Variants in PTBP3 observed in about 807,000 individuals in gnomAD.
The protein encoded by PTBP3 is polypyrimidine tract binding protein 3, also known as polypyrimidine tract-binding protein 3.
PTBP3 carries 20 observed loss-of-function variants against 58.7 expected under a neutral mutation model. The observed-to-expected ratio is 0.34, with a 90% CI of 0.24 to 0.50. The LOEUF (loss-of-function observed/expected upper bound fraction) is 0.50, where lower values mean the gene tolerates loss of function less well. Among genes scored for constraint, PTBP3 ranks in the 20% least tolerant of loss-of-function variants. The pLI is 0.98. For missense variants in PTBP3, 509 were observed against 637.2 expected (o/e 0.80, Z 2.17); for synonymous variants, 185 against 219.8 (o/e 0.84, Z 1.40).
chr9:112,283,377 C>T (rs1827964563), intron 2 of PTBP3, among the ~76,000 whole-genome samples: 1 of 152,134 alleles, frequency 6.6e-6, no homozygotes, highest in Non-Finnish European at 1.5e-5. Context: ...GAAGTCCAGG[C>T]TGAGGTAGTC....
At chr9:112,371,161 T>C in the PTBP3 span, among the ~76,000 whole-genome samples, 1 of 152,224 alleles carries the variant, frequency 6.6e-6, no homozygotes, top group Non-Finnish European at 1.5e-5. Context: ...ATGTTGAATA[T>C]AAGTGCCCAA....
the PTBP3 span, among the ~76,000 whole-genome samples, chr9:112,362,278 A>C: frequency 6.6e-6 from 1 of 152,232 alleles, no homozygotes; most frequent in African/African-American, 2.4e-5. Flanking sequence ...GCACCTGAGC[A>C]ACAAAGTAAG....
At chr9:112,243,537 GTC>G (rs758849807) in intron 7 of PTBP3, among the ~76,000 whole-genome samples, 11 of 151,166 alleles carry the variant, frequency 7.3e-5, no homozygotes, top group Non-Finnish European at 1.5e-4. Flanking sequence ...TCGAGACTCT[GTC>G]TCAAAAAATA....
chr9:112,348,829 T>A, the PTBP3 span, among the ~76,000 whole-genome samples: 1 of 151,954 alleles, frequency 6.6e-6, no homozygotes, highest in Non-Finnish European at 1.5e-5. Context: ...CCACCCCCCC[T>A]CCCAGATGTG....
intron 1 of PTBP3, among the ~76,000 whole-genome samples, chr9:112,307,859 C>A (rs987224047): frequency 6.6e-6 from 1 of 152,250 alleles, no homozygotes; most frequent in Non-Finnish European, 1.5e-5. Context: ...GTCCAACATG[C>A]AGCCCATGGG....
chr9:112,308,373 A>C (rs797017463), intron 1 of PTBP3, among the ~76,000 whole-genome samples: 51 of 152,060 alleles, frequency 3.4e-4, no homozygotes, highest in East Asian at 1.3e-3. Flanking sequence ...AAAAAAAAAA[A>C]AAAAAAAACT....
the PTBP3 span, among the ~76,000 whole-genome samples, chr9:112,377,765 C>T: frequency 5.3e-5 from 8 of 152,136 alleles, no homozygotes; most frequent in Admixed American, 3.3e-4. Context: ...ATCTATTTTT[C>T]AAACCATTTG....
the PTBP3 span, among the ~76,000 whole-genome samples, chr9:112,361,819 T>C: frequency 6.6e-6 from 1 of 152,250 alleles, no homozygotes; most frequent in Non-Finnish European, 1.5e-5. Context: ...ACTGCCAAAC[T>C]GTTTTTCAAA....
chr9:112,251,728 A>T (rs1276810551), intron 6 of PTBP3, among the ~76,000 whole-genome samples: 2 of 152,176 alleles, frequency 1.3e-5, no homozygotes, highest in African/African-American at 4.8e-5. Flanking sequence ...ATTTGTGGCC[A>T]CTTAACGACT....
chr9:112,231,947 G>GAGAAA, intron 9 of PTBP3, 152 bp downstream of exon 9: 1 of 422,200 alleles, frequency 2.4e-6, no homozygotes, highest in East Asian at 3.7e-5. Flanking sequence ...GAGAAGAGAA[G>GAGAAA]AGAAGAGAAG....
chr9:112,250,801 A>C, intron 7 of PTBP3, 128 bp downstream of exon 7: 4 of 917,592 alleles, frequency 4.4e-6, no homozygotes, highest in Non-Finnish European at 6.1e-6. Flanking sequence ...TTGTTCTAGG[A>C]TTCTTGCTTT....
rs773468203 is a variant in PTBP3, at chr9:112,228,444, C to T, written c.1083G>A (p.Lys361=). Residue 361 remains lysine (K), a synonymous_variant, in exon 11 of 14, where the codon AAG becomes AAA. Transcript: ENST00000374257. The part of the protein sequence containing the change: ...FGVYGDVHRV[K]IMFNKKENAL... ...CATTTTCTTTCTTATTAAACATAAT[C>T]TTCACTCGATGTACATCACCATAGA... The T allele has an allele frequency of 6.2e-7, 1 of 1,607,626 alleles. No homozygotes were observed. The highest frequency in any genetic ancestry group is 2.2e-5 in the East Asian group (1 of 44,594).
chr9:112,290,492 T>G (rs370220273), intron 2 of PTBP3, among the ~76,000 whole-genome samples: 4 of 151,498 alleles, frequency 2.6e-5, no homozygotes, highest in African/African-American at 9.7e-5. Flanking sequence ...GCCAACATGG[T>G]AAAACCCTGT....
chr9:112,261,909 A>C lies in PTBP3; in HGVS notation c.516+526T>G, dbSNP rs557221118. On this transcript the variant is annotated intron_variant, in intron 5 of 13. Coordinates refer to ENST00000374257, the MANE Select transcript of PTBP3 (RefSeq NM_001163788.4). ...GAAACTAAGTAACCTTCAATTCTTA[A>C]ATTCTACATATTACTTGCCATGATT... is the stretch of plus-strand genomic sequence containing the variant. Among the ~76,000 whole-genome samples the C allele has an allele frequency of 7.2e-5, 11 of 152,332 alleles. No homozygotes were observed. In the South Asian group the frequency reaches 2.3e-3, roughly 32 times the overall value.
the PTBP3 span, among the ~76,000 whole-genome samples, chr9:112,339,667 G>C: frequency 6.6e-6 from 1 of 151,006 alleles, no homozygotes; most frequent in Non-Finnish European, 1.5e-5. Flanking sequence ...AGGTTCAAGC[G>C]ATTCTCCTGC....
Position 112,220,656 on chromosome 9 carries a change from CCAGTAAGTA to C in PTBP3, c.*3186_*3194del. On this transcript the variant is annotated 3_prime_UTR_variant, in exon 14 of 14. Coordinates refer to ENST00000374257, the MANE Select transcript of PTBP3 (RefSeq NM_001163788.4). ...AGCTGCTGGGTAATTCTGATACTCTCCAGTAAGTATCAATTAAGATACTGGGTCATTTTT... is the reference window on the plus strand; with the variant it reads ...AGCTGCTGGGTAATTCTGATACTCTCTCAATTAAGATACTGGGTCATTTTT... The C allele has an allele frequency of 1.0e-6, 1 of 988,566 alleles. No homozygotes were observed. The highest frequency in any genetic ancestry group is 1.2e-6 in the Non-Finnish European group (1 of 831,750). 61.2% of individuals were successfully genotyped at this position (988,566 alleles called of 1,614,324 possible).
chr9:112,279,896 T>C (rs1827782177), intron 2 of PTBP3, among the ~76,000 whole-genome samples: 2 of 125,214 alleles, frequency 1.6e-5, no homozygotes, highest in South Asian at 6.0e-4. Context: ...TTCATAATTT[T>C]TAATGGATCA....
At chr9:112,252,563 G>A in intron 6 of PTBP3, 115 bp downstream of exon 6, 1 of 732,972 alleles carries the variant, frequency 1.4e-6, no homozygotes, top group Non-Finnish European at 2.3e-6. Context: ...GACTAAAATG[G>A]TAAACATGTA....
Position 112,250,979 on chromosome 9 carries a change from G to C in PTBP3, c.752C>G (p.Pro251Arg). 1 of 1,610,854 alleles carries C rather than the reference G, an allele frequency of 6.2e-7. No individual in the cohort carries two copies. The highest frequency in any genetic ancestry group is 8.5e-7 in the Non-Finnish European group (1 of 1,178,382). The change falls in exon 7 of 14, where the codon CCT becomes CGT. Residue 251 changes from proline to arginine, a missense_variant. Pro to Arg is a moderately radical substitution (Grantham distance 103). This residue lies in a region of PTBP3 where 121 missense variants were observed against 114.8 expected (regional missense o/e 1.05). Transcript: ENST00000374257. The part of the protein sequence containing the change: ...KSRDFTRLDL[P>R]TGDGQPSLEP... Reference sequence around the variant, plus strand: ...AAGGGATGGCTGGCCATCACCAGTAGGAAGGTCTAAGCGAGTGAAGTCTCT... The same window carrying C: ...AAGGGATGGCTGGCCATCACCAGTACGAAGGTCTAAGCGAGTGAAGTCTCT...
Sources: gnomAD v4.1 joint callset for allele counts (sites outside exome capture counted in the v4.1 genomes callset) on GRCh38, gnomAD v4.1.1 for gene constraint, gnomAD v4.1.1 regional missense constraint, MANE v1.5 for transcripts, NCBI Gene and HGNC (gene_info 2026-07-23, HGNC 2026-07-21) for gene names.